The following KIAA1549 variants were observed in gnomAD, a reference collection of about 807,000 sequenced individuals.
The protein encoded by KIAA1549 is KIAA1549.
Under a neutral mutation model 156.4 loss-of-function variants are expected in KIAA1549, and 70 were observed. The ratio of observed to expected loss-of-function variants is 0.45; its 90% confidence interval spans 0.37 to 0.55. The LOEUF (loss-of-function observed/expected upper bound fraction) is 0.55, where lower values mean the gene tolerates loss of function less well. Ranked by LOEUF, KIAA1549 falls within the 20% of genes least tolerant of loss-of-function variation. The pLI is 0.00. For synonymous variants in KIAA1549, 1,103 were observed against 1,066.4 expected, an observed-to-expected ratio of 1.03 and a Z score of -0.67; for missense variants, 2,428 against 2,540.9, an observed-to-expected ratio of 0.96 and a Z score of 0.96.
At chr7:138,924,102 C>T (rs1441382047) in intron 1 of KIAA1549, among the ~76,000 whole-genome samples, 1 of 152,068 alleles carries the variant, frequency 6.6e-6, no homozygotes, top group Non-Finnish European at 1.5e-5. Context: ...TGTTACTTAC[C>T]TGTCACATCC....
At position 138,916,929 on chromosome 7, in the gene KIAA1549, G is replaced by A. The variant is rs1411590492; in HGVS notation, c.2697C>T (p.Thr899=). 3 of 1,611,594 alleles carry A rather than the reference G, an allele frequency of 1.9e-6. No homozygotes were observed. The highest frequency in any genetic ancestry group is 1.7e-6 in the Non-Finnish European group (2 of 1,178,618). The part of the protein sequence containing the change: ...GAATGGPLDS[T]LMGDAASQSP... The stretch of plus-strand genomic sequence containing the variant: ...TCTGACTTGCGGCGTCACCCATCAG[G>A]GTGGAGTCGAGGGGACCACCAGTGG... The change falls in exon 2 of 20, where the codon ACC becomes ACT. Residue 899 remains threonine (T), a synonymous_variant. Coordinates refer to ENST00000422774, the MANE Select transcript of KIAA1549 (RefSeq NM_001164665.2).
chr7:138,923,988 C>T (rs1168630446), intron 1 of KIAA1549, among the ~76,000 whole-genome samples: 1 of 152,042 alleles, frequency 6.6e-6, no homozygotes, highest in Non-Finnish European at 1.5e-5. Flanking sequence ...ATAAATAATA[C>T]AAAGATTTTT....
chr7:138,919,135 G>C lies in KIAA1549; in HGVS notation c.491C>G (p.Thr164Ser). 6.2e-7 allele frequency: 1 copy of C among 1,614,046 alleles called. No individual in the cohort carries two copies. Among genetic ancestry groups the C allele is most frequent in the Non-Finnish European group, 8.5e-7 (1 of 1,179,904 alleles). The change falls in exon 2 of 20, where the codon ACT becomes AGT. Residue 164 changes from threonine to serine, a missense_variant. By Grantham distance (58) the Thr-to-Ser change is moderately conservative. Coordinates refer to ENST00000422774, the MANE Select transcript of KIAA1549 (RefSeq NM_001164665.2). ...DDEMDNFLPD[T>S]HWTTPRMVSP... The stretch of plus-strand genomic sequence containing the variant: ...AACCATCCGTGGAGTGGTCCAGTGA[G>C]TATCTGGCAGAAAGTTATCCATCTC...
At chr7:138,870,519 C>A (rs533292087) in intron 13 of KIAA1549, among the ~76,000 whole-genome samples, 1 of 152,242 alleles carries the variant, frequency 6.6e-6, no homozygotes, top group South Asian at 2.1e-4. Context: ...TGACATGAGA[C>A]CCCCTGCCCC....
intron 1 of KIAA1549, among the ~76,000 whole-genome samples, chr7:138,967,055 T>C (rs549330865): frequency 6.6e-6 from 1 of 152,286 alleles, no homozygotes; most frequent in South Asian, 2.1e-4. Context: ...CTGCTGCATT[T>C]ACACATGACA....
intron 1 of KIAA1549, among the ~76,000 whole-genome samples, chr7:138,972,530 C>A (rs1257830699): frequency 6.6e-6 from 1 of 152,022 alleles, no homozygotes; most frequent in Non-Finnish European, 1.5e-5. Context: ...CCCTGTGATT[C>A]CCCATCCCTG....
intron 1 of KIAA1549, among the ~76,000 whole-genome samples, chr7:138,946,905 T>A (rs1426485088): frequency 6.6e-6 from 1 of 152,140 alleles, no homozygotes; most frequent in Non-Finnish European, 1.5e-5. Context: ...CTGAGAACCC[T>A]CTGAGACTCA....
chr7:138,900,020 G>A (rs1217486798), intron 8 of KIAA1549, among the ~76,000 whole-genome samples: 1 of 152,132 alleles, frequency 6.6e-6, no homozygotes, highest in East Asian at 1.9e-4. Flanking sequence ...AAGGATCAGC[G>A]AGGGCTCCGA....
Position 138,834,119 on chromosome 7 carries a change from T to C in KIAA1549, c.*3787A>G, listed in dbSNP as rs1809631332. On this transcript the variant is annotated 3_prime_UTR_variant, in exon 20 of 20. Coordinates refer to ENST00000422774, the MANE Select transcript of KIAA1549 (RefSeq NM_001164665.2). The stretch of plus-strand genomic sequence containing the variant: ...CCCCAAGATATTGCATTTCCAAACA[T>C]GCAACTTCTTCTGGGTGCCTAATTC... 9.2e-6 allele frequency: 2 copies of C among 217,948 alleles called. No homozygotes were observed. The highest frequency in any genetic ancestry group is 1.4e-4 in the East Asian group (2 of 14,782). The allele number at this position is 217,948 out of a possible 1,614,324, so 13.5% of individuals were successfully genotyped here.
At chr7:138,882,551 A>G (rs1324715851) in intron 10 of KIAA1549, among the ~76,000 whole-genome samples, 5 of 152,244 alleles carry the variant, frequency 3.3e-5, no homozygotes, top group Non-Finnish European at 5.9e-5. Context: ...AACCACCCAC[A>G]TAAAGGAGAC....
At chr7:138,920,949 T>C (rs148793993) in intron 1 of KIAA1549, among the ~76,000 whole-genome samples, 1 of 152,300 alleles carries the variant, frequency 6.6e-6, no homozygotes, top group East Asian at 1.9e-4. Context: ...ATCTTCTAAG[T>C]GACTGGATGG....
intron 17 of KIAA1549, among the ~76,000 whole-genome samples, chr7:138,847,697 C>A (rs142860958): frequency 3.3e-4 from 50 of 152,310 alleles, no homozygotes; most frequent in African/African-American, 1.2e-3. Context: ...CTTCTTCTTT[C>A]TCAAAGTGTC....
At chr7:138,924,869 C>T (rs539212411) in intron 1 of KIAA1549, among the ~76,000 whole-genome samples, 1 of 152,242 alleles carries the variant, frequency 6.6e-6, no homozygotes, top group South Asian at 2.1e-4. Flanking sequence ...GAGAAAGGTT[C>T]TCTCTTGGAT....
chr7:138,964,297 T>C (rs1813948139), intron 1 of KIAA1549, among the ~76,000 whole-genome samples: 1 of 151,886 alleles, frequency 6.6e-6, no homozygotes, highest in Non-Finnish European at 1.5e-5. Flanking sequence ...GACCACAGAG[T>C]CATTCTCTAA....
intron 12 of KIAA1549, among the ~76,000 whole-genome samples, chr7:138,876,853 T>A (rs560484597): frequency 2.6e-5 from 4 of 152,210 alleles, no homozygotes; most frequent in African/African-American, 9.6e-5. Flanking sequence ...TGGATGGCCA[T>A]GAGGGTATGT....
At chr7:138,845,983 A>C (rs73458280) in intron 17 of KIAA1549, among the ~76,000 whole-genome samples, 6,385 of 152,264 alleles carry the variant, frequency 0.042, 311 homozygotes, top group African/African-American at 0.12. Flanking sequence ...CACTCAAACA[A>C]TGGGAGCAAG....
intron 1 of KIAA1549, among the ~76,000 whole-genome samples, chr7:138,961,039 C>T (rs767130548): frequency 4.6e-5 from 7 of 152,200 alleles, no homozygotes; most frequent in Non-Finnish European, 8.8e-5. Flanking sequence ...CCTTGCAGGC[C>T]ATCGGACAGC....
chr7:138,905,518 G>A (rs927555035), intron 6 of KIAA1549, among the ~76,000 whole-genome samples: 1 of 152,218 alleles, frequency 6.6e-6, no homozygotes, highest in African/African-American at 2.4e-5. Context: ...GAGCACAACT[G>A]AAAGCGGCTC....
At chr7:138,859,267 T>A (rs1264802833) in intron 16 of KIAA1549, among the ~76,000 whole-genome samples, 1 of 152,066 alleles carries the variant, frequency 6.6e-6, no homozygotes, top group Non-Finnish European at 1.5e-5. Context: ...GACTCTACCC[T>A]TCCAGCCTCA....
Sources: gnomAD v4.1 joint callset for allele counts (sites outside exome capture counted in the v4.1 genomes callset) on GRCh38, gnomAD v4.1.1 for gene constraint, MANE v1.5 for transcripts, NCBI Gene and HGNC (gene_info 2026-07-23, HGNC 2026-07-21) for gene names.